Variants in AGBL1 observed in about 807,000 individuals in gnomAD.
The protein encoded by AGBL1 is AGBL carboxypeptidase 1, also known as cytosolic carboxypeptidase 4.
In AGBL1, 130 loss-of-function variants were observed where a neutral mutation model predicts 118.9. The observed-to-expected ratio is 1.09, with a 90% confidence interval of 0.95 to 1.26. AGBL1 has a LOEUF of 1.26. AGBL1 is among the 50% of genes most tolerant of loss of function. AGBL1 has a pLI of 0.00. For synonymous variants in AGBL1, 555 were observed against 478.9 expected (o/e 1.16, Z -2.08); for missense variants, 1,584 against 1,298.1 (o/e 1.22, Z -3.38).
intron 1 of AGBL1, among the ~76,000 whole-genome samples, chr15:86,088,504 G>T (rs1258840590): frequency 6.6e-6 from 1 of 152,212 alleles, no homozygotes; most frequent in Non-Finnish European, 1.5e-5. Context: ...GGGCTTTCAG[G>T]TTATTTCATC....
chr15:87,007,810 T>A (rs1351462343), intron 24 of AGBL1, among the ~76,000 whole-genome samples: 1 of 152,220 alleles, frequency 6.6e-6, no homozygotes, highest in Admixed American at 6.5e-5. Context: ...AGATTTCTCA[T>A]CTTAAAGCTG....
At chr15:87,009,780 G>C (rs1050102174) in intron 24 of AGBL1, among the ~76,000 whole-genome samples, 1 of 152,200 alleles carries the variant, frequency 6.6e-6, no homozygotes, top group African/African-American at 2.4e-5. Flanking sequence ...GATCATTTTG[G>C]AGCTTTAAGA....
intron 22 of AGBL1, among the ~76,000 whole-genome samples, chr15:86,874,155 TATC>T (rs2079770329): frequency 6.6e-6 from 1 of 152,142 alleles, no homozygotes; most frequent in South Asian, 2.1e-4. Flanking sequence ...TTTCCTATAA[TATC>T]ATGAAAAAGG....
At chr15:86,777,660 AT>A (rs2078277696) in intron 22 of AGBL1, among the ~76,000 whole-genome samples, 1 of 152,136 alleles carries the variant, frequency 6.6e-6, no homozygotes, top group Non-Finnish European at 1.5e-5. Context: ...CTTCAATAAA[AT>A]TTTACATTCA....
chr15:86,492,722 C>T (rs770571061), intron 18 of AGBL1, among the ~76,000 whole-genome samples: 5 of 151,432 alleles, frequency 3.3e-5, no homozygotes, highest in Non-Finnish European at 7.4e-5. Context: ...AAAATAAATA[C>T]TTAAGAAAGA....
chr15:86,769,498 A>T (rs1406607685), intron 22 of AGBL1, among the ~76,000 whole-genome samples: 1 of 151,874 alleles, frequency 6.6e-6, no homozygotes, highest in African/African-American at 2.4e-5. Context: ...TTGACTAAGG[A>T]CTCTGAGTTG....
intron 15 of AGBL1, among the ~76,000 whole-genome samples, chr15:86,272,708 A>G (rs1245062925): frequency 6.6e-6 from 1 of 152,230 alleles, no homozygotes; most frequent in Non-Finnish European, 1.5e-5. Context: ...GGAGATAATG[A>G]CAGTCTATAA....
chr15:86,358,059 C>G (rs1326063600), intron 17 of AGBL1, among the ~76,000 whole-genome samples: 1 of 151,998 alleles, frequency 6.6e-6, no homozygotes, highest in Non-Finnish European at 1.5e-5. Context: ...ACTCTTTTAG[C>G]AAATTTCAAG....
Position 86,528,116 on chromosome 15 carries a change from G to T in AGBL1, c.2685+5177G>T, listed in dbSNP as rs146964671. Among the ~76,000 whole-genome samples, 962 of 152,256 alleles carry T rather than the reference G, an allele frequency of 6.3e-3. 13 individuals are homozygous for T. The highest frequency in any genetic ancestry group is 0.021 in the African/African-American group (882 of 41,556). ...TCTGGGGGGAGGAGCCAAGATGGCC[G>T]AATAGGAACAGCTCCGGTCTACAGC... On this transcript the variant is annotated intron_variant, in intron 19 of 22. Transcript: ENST00000614907.
Position 86,158,929 on chromosome 15 carries a change from T to C in AGBL1, c.395-4T>C. 2 of 1,612,978 alleles carry C rather than the reference T, an allele frequency of 1.2e-6. No individual in the cohort carries two copies. Among genetic ancestry groups the C allele is most frequent in the South Asian group, 2.2e-5 (2 of 91,064 alleles). On this transcript the variant is annotated splice_polypyrimidine_tract_variant and splice_region_variant and intron_variant, in intron 4 of 22. Transcript: ENST00000614907. The stretch of plus-strand genomic sequence containing the variant: ...CATAACTACTGTGCTTTTGTTTTTC[T>C]TAGTCTCCATGGGAGCCATGCTGGG...
At chr15:86,976,902 T>C (rs372436724) in intron 23 of AGBL1, among the ~76,000 whole-genome samples, 2 of 152,058 alleles carry the variant, frequency 1.3e-5, no homozygotes, top group South Asian at 4.1e-4. Flanking sequence ...GTTTGTCTTC[T>C]TAGTGATTTA....
At chr15:86,287,417 A>T (rs1218784944) in intron 16 of AGBL1, among the ~76,000 whole-genome samples, 3 of 152,126 alleles carry the variant, frequency 2.0e-5, no homozygotes, top group African/African-American at 7.2e-5. Context: ...ATAGTTAAGA[A>T]ATCGCTTCCC....
chr15:86,156,794 C>CTTTTTTTTTTTTTTTTTTCT (rs773611214), intron 4 of AGBL1, among the ~76,000 whole-genome samples: 2 of 105,564 alleles, frequency 1.9e-5, no homozygotes, highest in Admixed American at 9.8e-5. Flanking sequence ...TCTTTTCTTT[C>CTTTTTTTTTTTTTTTTTTCT]TTTTTTTTTT....
At chr15:86,853,391 G>T (rs185986761) in intron 22 of AGBL1, among the ~76,000 whole-genome samples, 5 of 152,250 alleles carry the variant, frequency 3.3e-5, no homozygotes, top group Non-Finnish European at 2.9e-5. Context: ...CTAGTCATCA[G>T]AAATAAATAA....
intron 5 of AGBL1, among the ~76,000 whole-genome samples, chr15:86,193,216 C>T (rs1314177505): frequency 6.6e-6 from 1 of 151,932 alleles, no homozygotes; most frequent in East Asian, 1.9e-4. Context: ...GTGAATTTGC[C>T]CCTTATTTTT....
chr15:86,957,832 T>C (rs2080946248), intron 23 of AGBL1, among the ~76,000 whole-genome samples: 1 of 152,124 alleles, frequency 6.6e-6, no homozygotes, highest in Admixed American at 6.6e-5. Flanking sequence ...TTTGTTTTCT[T>C]GGATTTTAAG....
intron 22 of AGBL1, among the ~76,000 whole-genome samples, chr15:86,689,265 T>A (rs1008991342): frequency 6.6e-6 from 1 of 152,116 alleles, no homozygotes; most frequent in African/African-American, 2.4e-5. Context: ...TAATCTCAGC[T>A]TAAATTTCAC....
At chr15:86,679,464 A>T (rs2085911197) in intron 22 of AGBL1, among the ~76,000 whole-genome samples, 1 of 152,120 alleles carries the variant, frequency 6.6e-6, no homozygotes, top group African/African-American at 2.4e-5. Flanking sequence ...AGTTATACCT[A>T]AAAGTATTTC....
intron 5 of AGBL1, among the ~76,000 whole-genome samples, chr15:86,198,776 C>A (rs80319400): frequency 4.9e-4 from 74 of 152,196 alleles, no homozygotes; most frequent in African/African-American, 1.7e-3. Flanking sequence ...GCGCCCTTAG[C>A]AGAAACTGAC....
Sources: allele counts gnomAD v4.1 joint callset (sites outside exome capture counted in the v4.1 genomes callset), GRCh38; gene constraint gnomAD v4.1.1; transcripts MANE v1.5; gene names NCBI Gene and HGNC (gene_info 2026-07-23, HGNC 2026-07-21).